CDK5RAP2: variants seen among roughly 807,000 people sequenced by gnomAD.
CDK5RAP2 encodes CDK5 regulatory subunit associated protein 2, also known as CDK5 regulatory subunit-associated protein 2.
CDK5RAP2 carries 147 observed loss-of-function variants against 232.9 expected under a neutral mutation model. That is an observed-to-expected ratio of 0.63 (90% CI 0.55 to 0.72). The LOEUF (loss-of-function observed/expected upper bound fraction) is 0.72. Ranked by LOEUF, CDK5RAP2 falls within the 30% of genes least tolerant of loss-of-function variation. The pLI is 0.00. For missense variants in CDK5RAP2, 2,195 were observed against 2,231.5 expected (o/e 0.98, Z 0.33); for synonymous variants, 833 against 833.7 (o/e 1.00, Z 0.01).
intron 3 of CDK5RAP2, among the ~76,000 whole-genome samples, chr9:120,552,105 C>A (rs1455175177): frequency 9.2e-5 from 14 of 152,044 alleles, no homozygotes; most frequent in African/African-American, 3.1e-4. Context: ...CTCATCATCA[C>A]TGGCCATCAG....
chr9:120,551,913 G>A (rs1025525939), intron 3 of CDK5RAP2, among the ~76,000 whole-genome samples: 1 of 152,120 alleles, frequency 6.6e-6, no homozygotes, highest in Non-Finnish European at 1.5e-5. Context: ...GCAACCTACA[G>A]AATGGAAGAA....
At chr9:120,389,401 A>T (rs4836820) in intron 37 of CDK5RAP2, 109 bp from the exon 38 acceptor site, 1 of 867,446 alleles carries the variant, frequency 1.2e-6, no homozygotes, top group South Asian at 1.4e-5. Context: ...TGCTTTCAAA[A>T]ACATAGTTTG....
intron 1 of CDK5RAP2, among the ~76,000 whole-genome samples, chr9:120,578,515 T>A (rs2043121773): frequency 6.6e-6 from 1 of 151,546 alleles, no homozygotes; most frequent in African/African-American, 2.4e-5. Flanking sequence ...TTACCCAAGA[T>A]AGGCCCTCTT....
In CDK5RAP2 at chr9:120,415,028, G is replaced by A. The variant is rs188897422; in HGVS notation, c.4297+12C>T. The A allele has an allele frequency of 6.2e-7, 1 of 1,613,992 alleles. No homozygotes were observed. The highest frequency in any genetic ancestry group is 8.5e-7 in the Non-Finnish European group (1 of 1,179,864). On this transcript the variant is annotated intron_variant, in intron 28 of 37. Transcript: ENST00000349780. ...CAGACATGTACAGTCCTCCAGGAAG[G>A]TCTTTCCTTACCTTGAACAAATTCA...
At position 120,471,770 on chromosome 9, in the gene CDK5RAP2, G is replaced by A; in HGVS notation, c.1836C>T (p.Ile612=). The A allele has an allele frequency of 6.2e-7, 1 of 1,614,134 alleles. No homozygotes were observed. The highest frequency in any genetic ancestry group is 1.1e-5 in the South Asian group (1 of 91,084). Residue 612 remains isoleucine (I), a synonymous_variant, in exon 16 of 38, where the codon ATC becomes ATT. Coordinates refer to ENST00000349780, the MANE Select transcript of CDK5RAP2 (RefSeq NM_018249.6). The part of the protein sequence containing the change: ...QNLRKTLEEQ[I]SEIRRREEES... ...TACCTTCCCGCCTCCGAATTTCGCT[G>A]ATCTGCTCCTCCAAGGTCTTCCGCA...
In CDK5RAP2 at chr9:120,580,064, G is replaced by A; in HGVS notation, c.-86C>T. ...GATAGCGACCCGCCGGGCTCCCCAG[G>A]TCCCCGCCCCCTCCACCCCAGCTCT... On this transcript the variant is annotated 5_prime_UTR_variant, in exon 1 of 38. Coordinates refer to ENST00000349780, the MANE Select transcript of CDK5RAP2 (RefSeq NM_018249.6). 1.2e-6 allele frequency: 1 copy of A among 816,136 alleles called. No individual in the cohort carries two copies. Among genetic ancestry groups the A allele is most frequent in the Non-Finnish European group, 2.1e-6 (1 of 478,948 alleles). The allele number at this position is 816,136 out of a possible 1,614,324, so 50.6% of individuals were successfully genotyped here.
At chr9:120,491,788 C>T (rs2038923147) in intron 12 of CDK5RAP2, among the ~76,000 whole-genome samples, 1 of 152,114 alleles carries the variant, frequency 6.6e-6, no homozygotes, top group Non-Finnish European at 1.5e-5. Context: ...AAAAAACACA[C>T]ACCCACAATT....
intron 35 of CDK5RAP2, among the ~76,000 whole-genome samples, chr9:120,400,388 A>G (rs12379034): frequency 0.21 from 31,744 of 152,226 alleles, 3,682 homozygotes; most frequent in African/African-American, 0.3. Flanking sequence ...AGGACAAATT[A>G]GGACTTAGAG....
chr9:120,405,503 C>T lies in CDK5RAP2; in HGVS notation c.4964-1390G>A, dbSNP rs147677068. ...ACTGTTCTCCCTGCTTCAAACTCCC[C>T]TAGCCTACCCCACAAGTTCCTGAAT... On this transcript the variant is annotated intron_variant, in intron 32 of 37. Coordinates refer to ENST00000349780, the MANE Select transcript of CDK5RAP2 (RefSeq NM_018249.6). 8.5e-3 allele frequency among the ~76,000 whole-genome samples: 1,290 copies of T among 152,330 alleles called. 14 individuals are homozygous for T. The highest frequency in any genetic ancestry group is 9.4e-3 in the Non-Finnish European group (641 of 68,032).
chr9:120,470,298 C>A (rs1018707920), intron 16 of CDK5RAP2, 78 bp from the exon 17 acceptor site: 8 of 700,466 alleles, frequency 1.1e-5, no homozygotes, highest in African/African-American at 3.6e-5. Context: ...CCAAGACTGA[C>A]CCCAGTGCAA....
chr9:120,510,611 G>C (rs1182763527), intron 12 of CDK5RAP2, among the ~76,000 whole-genome samples: 1 of 152,116 alleles, frequency 6.6e-6, no homozygotes, highest in Non-Finnish European at 1.5e-5. Flanking sequence ...CCAGGTTTCT[G>C]GGCTCTGACA....
chr9:120,472,387 A>G (rs1490635993), intron 15 of CDK5RAP2, among the ~76,000 whole-genome samples: 4 of 152,130 alleles, frequency 2.6e-5, no homozygotes, highest in Non-Finnish European at 5.9e-5. Context: ...ACAATGCCCC[A>G]AGAGGGCTTG....
At chr9:120,574,133 T>G (rs560509115) in intron 1 of CDK5RAP2, among the ~76,000 whole-genome samples, 1 of 152,220 alleles carries the variant, frequency 6.6e-6, no homozygotes, top group African/African-American at 2.4e-5. Flanking sequence ...ACACTGAAGT[T>G]TGAAAAATGA....
chr9:120,539,064 T>C lies in CDK5RAP2; in HGVS notation c.484A>G (p.Lys162Glu). The C allele has an allele frequency of 6.2e-7, 1 of 1,614,134 alleles. No individual in the cohort carries two copies. Among genetic ancestry groups the C allele is most frequent in the Non-Finnish European group, 8.5e-7 (1 of 1,179,966 alleles). ...KVQQVEDLLT[K>E]RILLLEKDVT... ...GCCTTTTCCAAAAGGAGTATTCTTT[T>C]AGTTAGGAGATCTTCCACCTGCTGC... is the stretch of plus-strand genomic sequence containing the variant. Residue 162 changes from lysine to glutamate, a missense_variant, in exon 6 of 38, where the codon AAA becomes GAA. Lys to Glu is a moderately conservative substitution (Grantham distance 56). Coordinates refer to ENST00000349780, the MANE Select transcript of CDK5RAP2 (RefSeq NM_018249.6).
At chr9:120,564,349 G>A (rs2132148158) in intron 3 of CDK5RAP2, among the ~76,000 whole-genome samples, 1 of 152,102 alleles carries the variant, frequency 6.6e-6, no homozygotes, top group Non-Finnish European at 1.5e-5. Flanking sequence ...AATTAGCCAG[G>A]CATGGTGGCA....
chr9:120,418,450 C>T (rs571600493), intron 27 of CDK5RAP2, among the ~76,000 whole-genome samples: 1 of 152,356 alleles, frequency 6.6e-6, no homozygotes, highest in South Asian at 2.1e-4. Context: ...GTAAACACCA[C>T]TTTCCTTCTG....
At chr9:120,548,619 G>A (rs1187095809) in intron 4 of CDK5RAP2, among the ~76,000 whole-genome samples, 2 of 152,236 alleles carry the variant, frequency 1.3e-5, no homozygotes, top group East Asian at 3.9e-4. Flanking sequence ...CCAGCCTTGG[G>A]CAACATAGCA....
At chr9:120,390,665 G>C (rs1479401038) in intron 36 of CDK5RAP2, among the ~76,000 whole-genome samples, 1 of 152,136 alleles carries the variant, frequency 6.6e-6, no homozygotes, top group Admixed American at 6.5e-5. Context: ...TTCTCAACAG[G>C]GCTTGGTGAG....
chr9:120,457,795 T>C (rs2036864941), intron 20 of CDK5RAP2, among the ~76,000 whole-genome samples: 1 of 152,206 alleles, frequency 6.6e-6, no homozygotes, highest in Non-Finnish European at 1.5e-5. Context: ...TAAACGTTTT[T>C]TTCTTATTCA....
Sources: allele counts gnomAD v4.1 joint callset (sites outside exome capture counted in the v4.1 genomes callset), GRCh38; gene constraint gnomAD v4.1.1; transcripts MANE v1.5; gene names NCBI Gene and HGNC (gene_info 2026-07-23, HGNC 2026-07-21).